The following NRP1 variants were observed in gnomAD, a reference collection of about 807,000 sequenced individuals.
The protein encoded by NRP1 is neuropilin 1.
A neutral mutation model predicts 106.7 loss-of-function variants in NRP1; 35 were observed. That is an observed-to-expected ratio of 0.33 (90% CI 0.25 to 0.43). NRP1 has a LOEUF of 0.43. NRP1 is among the 20% of genes least tolerant of loss of function. NRP1 has a pLI of 1.00. For missense variants in NRP1, 1,024 were observed against 1,170.4 expected (o/e 0.87, Z 1.83); for synonymous variants, 437 against 417.9 (o/e 1.05, Z -0.56).
At chr10:33,254,447 C>G (rs1842067710) in intron 5 of NRP1, among the ~76,000 whole-genome samples, 1 of 152,096 alleles carries the variant, frequency 6.6e-6, no homozygotes, top group African/African-American at 2.4e-5. Context: ...TTGAAATTTA[C>G]CAGGAAATGA....
At chr10:33,294,999 G>T (rs1845284722) in intron 2 of NRP1, among the ~76,000 whole-genome samples, 1 of 152,104 alleles carries the variant, frequency 6.6e-6, no homozygotes, top group Non-Finnish European at 1.5e-5. Flanking sequence ...TTCTTCAAGT[G>T]CCCCACAGTT....
At chr10:33,309,387 C>A (rs1204958858) in intron 2 of NRP1, among the ~76,000 whole-genome samples, 2 of 152,168 alleles carry the variant, frequency 1.3e-5, no homozygotes, top group African/African-American at 4.8e-5. Context: ...CATCTTGCTT[C>A]GAATGTCTTA....
chr10:33,334,273 G>A (rs575834499), intron 1 of NRP1, 37 bp downstream of exon 1: 2 of 1,530,672 alleles, frequency 1.3e-6, no homozygotes, highest in Non-Finnish European at 1.8e-6. Flanking sequence ...TGGGAGCCGG[G>A]GCGCCGCTGT....
chr10:33,197,916 G>T (rs1247492181), intron 11 of NRP1, among the ~76,000 whole-genome samples: 1 of 150,056 alleles, frequency 6.7e-6, no homozygotes, highest in East Asian at 2.0e-4. Flanking sequence ...TTTACCTAAC[G>T]CATTTCTTTT....
intron 3 of NRP1, among the ~76,000 whole-genome samples, chr10:33,266,616 A>G (rs1428434432): frequency 6.6e-6 from 1 of 152,194 alleles, no homozygotes; most frequent in Non-Finnish European, 1.5e-5. Flanking sequence ...AGGGGTTAAG[A>G]AAGTCCATGG....
intron 9 of NRP1, among the ~76,000 whole-genome samples, chr10:33,209,046 G>C (rs1310075722): frequency 6.6e-6 from 1 of 151,486 alleles, no homozygotes; most frequent in Non-Finnish European, 1.5e-5. Context: ...AGCTGGGATT[G>C]CAGGTGCACA....
chr10:33,196,729 C>T (rs574614686), intron 12 of NRP1, among the ~76,000 whole-genome samples: 2 of 152,238 alleles, frequency 1.3e-5, no homozygotes, highest in African/African-American at 2.4e-5. Flanking sequence ...ACAGTGACAG[C>T]GTCCTTTAAG....
At chr10:33,303,954 C>T (rs1412188812) in intron 2 of NRP1, among the ~76,000 whole-genome samples, 2 of 152,136 alleles carry the variant, frequency 1.3e-5, no homozygotes, top group Non-Finnish European at 2.9e-5. Flanking sequence ...ATAATATTGT[C>T]ATGACAATGA....
intron 2 of NRP1, among the ~76,000 whole-genome samples, chr10:33,294,214 T>C (rs1472842099): frequency 6.6e-6 from 1 of 152,186 alleles, no homozygotes; most frequent in Non-Finnish European, 1.5e-5. Context: ...GGGGATGAGT[T>C]CTTAGAATGT....
At chr10:33,232,448 AG>A (rs995509661) in intron 6 of NRP1, among the ~76,000 whole-genome samples, 1 of 152,008 alleles carries the variant, frequency 6.6e-6, no homozygotes, top group African/African-American at 2.4e-5. Flanking sequence ...GGTGATGGTG[AG>A]GGGGTGTGAT....
chr10:33,310,855 G>A (rs1415794750), intron 2 of NRP1, among the ~76,000 whole-genome samples: 1 of 152,124 alleles, frequency 6.6e-6, no homozygotes. Flanking sequence ...CCCCGGCTTG[G>A]GATGTGGGGA....
Position 33,270,943 on chromosome 10 carries a change from T to C in NRP1, c.249-87A>G, listed in dbSNP as rs1377066036. On this transcript the variant is annotated intron_variant, in intron 2 of 16. Coordinates refer to ENST00000374867, the MANE Select transcript of NRP1 (RefSeq NM_003873.7). ...ATTTAGACACCAGCATCATCCAGCA[T>C]AGTGTGCCAGGAAGAAAAAAAAGTT... is the stretch of plus-strand genomic sequence containing the variant. 4.2e-6 allele frequency: 5 copies of C among 1,202,584 alleles called. No individual in the cohort carries two copies. The African/African-American group carries it at 6.2e-5, about 15-fold the overall frequency. The allele number at this position is 1,202,584 out of a possible 1,614,324, so 74.5% of individuals were successfully genotyped here. A position where few individuals can be genotyped will look rare whatever the true frequency, so the allele number is the denominator to read the frequency against.
At chr10:33,207,060 C>T (rs117128735) in intron 10 of NRP1, among the ~76,000 whole-genome samples, 1,591 of 152,212 alleles carry the variant, frequency 0.01, 11 homozygotes, top group Non-Finnish European at 0.018. Context: ...TGCTGATAAT[C>T]GACACTGCGG....
At chr10:33,194,991 G>A (rs1026330277) in intron 12 of NRP1, among the ~76,000 whole-genome samples, 2 of 152,102 alleles carry the variant, frequency 1.3e-5, no homozygotes, top group Non-Finnish European at 2.9e-5. Context: ...ATTCAATGGG[G>A]GTAATCCAGC....
intron 6 of NRP1, among the ~76,000 whole-genome samples, chr10:33,241,721 TAA>T (rs60012667): frequency 3.5e-5 from 5 of 143,740 alleles, no homozygotes; most frequent in East Asian, 4.0e-4. Context: ...TTGGAAAGGC[TAA>T]AAAAAAAAAA....
rs141029596 is a variant in NRP1 at position 33,265,820 on chromosome 10, A to C, written c.431-1947T>G. The stretch of plus-strand genomic sequence containing the variant: ...CGTGGCAATTCGCCAGGTCAGTTCC[A>C]GGTAGAGATTATGACATGTGCTGTA... On this transcript the variant is annotated intron_variant, in intron 3 of 16. Coordinates refer to ENST00000374867, the MANE Select transcript of NRP1 (RefSeq NM_003873.7). Among the ~76,000 whole-genome samples the C allele has an allele frequency of 5.6e-3, 852 of 152,334 alleles. 13 individuals carry two copies. Among genetic ancestry groups the C allele is most frequent in the African/African-American group, 0.02 (818 of 41,586 alleles).
Position 33,256,344 on chromosome 10 carries a change from G to C in NRP1, c.786C>G (p.Tyr262Ter). ...CTGAGACACTGCTCTGCAAGACACT[G>C]TAGTTTGCTGAGAAACCTTCTTTTG... ...AIAKEGFSAN[Y>*]SVLQSSVSED... Residue 262 changes from tyrosine (Y) to a stop codon, truncating the protein, a stop_gained, in exon 5 of 17, where the codon TAC becomes TAG. Transcript: ENST00000374867. LOFTEE classifies it high-confidence loss of function. The C allele has an allele frequency of 6.2e-7, 1 of 1,614,178 alleles. No homozygotes were observed. The highest frequency in any genetic ancestry group is 8.5e-7 in the Non-Finnish European group (1 of 1,180,020).
At chr10:33,287,079 C>T (rs1180462908) in intron 2 of NRP1, among the ~76,000 whole-genome samples, 2 of 152,164 alleles carry the variant, frequency 1.3e-5, no homozygotes, top group Admixed American at 1.3e-4. Context: ...CAATTACTTA[C>T]TAAGGAATTC....
At chr10:33,237,587 T>C (rs1840676393) in intron 6 of NRP1, among the ~76,000 whole-genome samples, 1 of 146,496 alleles carries the variant, frequency 6.8e-6, no homozygotes, top group Admixed American at 6.8e-5. Context: ...TTTTTTTTTT[T>C]TTTTTTTTTT....
Sources: allele counts gnomAD v4.1 joint callset (sites outside exome capture counted in the v4.1 genomes callset), GRCh38; gene constraint gnomAD v4.1.1; transcripts MANE v1.5; gene names NCBI Gene and HGNC (gene_info 2026-07-23, HGNC 2026-07-21).